Variants in SSBP4 observed in about 807,000 individuals in gnomAD.
SSBP4 encodes the protein single-stranded DNA-binding protein 4.
A neutral mutation model predicts 64.6 loss-of-function variants in SSBP4; 33 were observed. The observed-to-expected ratio is 0.51, with a 90% CI of 0.39 to 0.68. SSBP4 has a LOEUF of 0.68. Among genes scored for constraint, SSBP4 ranks in the 30% least tolerant of loss-of-function variants. The probability of loss-of-function intolerance (pLI) is 0.00; values close to 1 mark genes in which losing one functional copy is unlikely to be tolerated. For missense variants in SSBP4, 583 were observed against 566.8 expected (o/e 1.03, Z -0.29); for synonymous variants, 243 against 224.0 (o/e 1.08, Z -0.76).
chr19:18,431,683 C>A lies in SSBP4; in HGVS notation c.472C>A (p.Pro158Thr). ...ACCGCGCTTCCCAGGGGGCCCCCGG[C>A]CCACCCTGCGGATGCCGAGTCAGGT... ...MSPRFPGGPRPTLRMPSQPPA... is the reference protein window; with the variant it reads ...MSPRFPGGPRTTLRMPSQPPA... Residue 158 changes from proline (P) to threonine (T), a missense_variant, in exon 7 of 18, where the codon CCC (proline) becomes ACC (threonine). Pro to Thr is a conservative substitution (Grantham distance 38). Transcript: ENST00000270061. 1 of 1,552,860 alleles carries A rather than the reference C, an allele frequency of 6.4e-7. No homozygotes were observed. The highest frequency in any genetic ancestry group is 1.9e-5 in the Admixed American group (1 of 52,062).
chr19:18,432,684 C>G lies in SSBP4; in HGVS notation c.751-16C>G, dbSNP rs375537049. On this transcript the variant is annotated splice_polypyrimidine_tract_variant and intron_variant, in intron 11 of 17. Coordinates refer to ENST00000270061, the MANE Select transcript of SSBP4 (RefSeq NM_032627.5). ...GAGCCGCCTGGCTGACTGCTCACAG[C>G]TGCCCTTGTCCCCAGATCCCCTACT... 9.6e-6 allele frequency: 15 copies of G among 1,566,518 alleles called. No individual in the cohort carries two copies. The highest frequency in any genetic ancestry group is 1.2e-5 in the Non-Finnish European group (14 of 1,152,114).
chr19:18,424,652 G>A (rs1331209945), intron 1 of SSBP4, among the ~76,000 whole-genome samples: 1 of 152,056 alleles, frequency 6.6e-6, no homozygotes, highest in Non-Finnish European at 1.5e-5. Flanking sequence ...TAATCCAGGT[G>A]GGAGACGGTG....
At chr19:18,420,299 G>T (rs1454220958) in intron 1 of SSBP4, among the ~76,000 whole-genome samples, 1 of 152,122 alleles carries the variant, frequency 6.6e-6, no homozygotes, top group Admixed American at 6.5e-5. Flanking sequence ...GGGTGGGGAC[G>T]ACGGAGCCGC....
intron 1 of SSBP4, among the ~76,000 whole-genome samples, chr19:18,420,863 C>A (rs917635647): frequency 8.0e-5 from 12 of 149,220 alleles, no homozygotes; most frequent in Non-Finnish European, 1.3e-4. Context: ...AAAAAAAAAA[C>A]AAAAAACAAA....
chr19:18,415,122 G>A (rs913616078), upstream of SSBP4, among the ~76,000 whole-genome samples: 1 of 150,048 alleles, frequency 6.7e-6, no homozygotes, highest in Non-Finnish European at 1.5e-5. Flanking sequence ...TCCCACCCTG[G>A]TGTTGTTTGG....
chr19:18,412,746 G>A, the SSBP4 span, among the ~76,000 whole-genome samples: 1 of 152,114 alleles, frequency 6.6e-6, no homozygotes, highest in Non-Finnish European at 1.5e-5. Flanking sequence ...CACACCTGTG[G>A]TCCTAGCTAC....
chr19:18,431,018 T>G, intron 5 of SSBP4, 88 bp downstream of exon 5: 1 of 1,464,206 alleles, frequency 6.8e-7, no homozygotes, highest in Non-Finnish European at 9.3e-7. Context: ...GCAGAGGTCA[T>G]GAGGCCGGCA....
chr19:18,415,189 A>C (rs1972122102), upstream of SSBP4, among the ~76,000 whole-genome samples: 1 of 152,118 alleles, frequency 6.6e-6, no homozygotes, highest in South Asian at 2.1e-4. Context: ...TTCTGAGAGG[A>C]AACGGTCTCC....
At chr19:18,410,473 G>GA in the SSBP4 span, among the ~76,000 whole-genome samples, 1 of 152,160 alleles carries the variant, frequency 6.6e-6, no homozygotes, top group Non-Finnish European at 1.5e-5. Context: ...GGCCTCTCTA[G>GA]AAAAAAATAT....
chr19:18,433,311 G>A, intron 15 of SSBP4, 98 bp downstream of exon 15: 1 of 1,445,650 alleles, frequency 6.9e-7, no homozygotes. Flanking sequence ...GGGTGGAGGC[G>A]TCTAGTGGCG....
Position 18,420,463 on chromosome 19 carries a change from G to C in SSBP4, c.59+756G>C, listed in dbSNP as rs534124538. Among the ~76,000 whole-genome samples, 6 of 152,270 alleles carry C rather than the reference G, an allele frequency of 3.9e-5. No individual in the cohort carries two copies. The East Asian group carries it at 1.2e-3, about 29-fold the overall frequency. The stretch of plus-strand genomic sequence containing the variant: ...TGGTGGGGCTGAGGTCTCTCGGGGT[G>C]GGGAGTCAGCCGAGTGTGCTCTCCG... On this transcript the variant is annotated intron_variant, in intron 1 of 17. Coordinates refer to ENST00000270061, the MANE Select transcript of SSBP4 (RefSeq NM_032627.5).
At chr19:18,429,771 G>C (rs1360092258) in intron 4 of SSBP4, among the ~76,000 whole-genome samples, 3 of 152,180 alleles carry the variant, frequency 2.0e-5, no homozygotes, top group African/African-American at 7.2e-5. Flanking sequence ...GGCCTTGGGA[G>C]TGCTCGCCGT....
In SSBP4 at chr19:18,423,559, A is replaced by T. The variant is rs1972605278; in HGVS notation, c.60-3792A>T. On this transcript the variant is annotated intron_variant, in intron 1 of 17. Coordinates refer to ENST00000270061, the MANE Select transcript of SSBP4 (RefSeq NM_032627.5). The surrounding 1 kb of genome is among the most constrained non-coding windows in gnomAD (Gnocchi z 4.0). ...TGCCCCAGCAGCATCTGTGTCTAGGAAGGCGCTGAGCAGGGAGCATCCATT... is the reference window on the plus strand; with the variant it reads ...TGCCCCAGCAGCATCTGTGTCTAGGTAGGCGCTGAGCAGGGAGCATCCATT... Among the ~76,000 whole-genome samples, 1 of 152,136 alleles carries T rather than the reference A, an allele frequency of 6.6e-6. No individual in the cohort carries two copies. The highest frequency in any genetic ancestry group is 1.5e-5 in the Non-Finnish European group (1 of 68,018).
At chr19:18,430,989 TGG>T in intron 5 of SSBP4, 59 bp downstream of exon 5, 1 of 1,560,080 alleles carries the variant, frequency 6.4e-7, no homozygotes, top group Non-Finnish European at 8.7e-7. Context: ...CGTTTGAGGG[TGG>T]GGGGGGTCCC....
the SSBP4 span, among the ~76,000 whole-genome samples, chr19:18,407,401 T>C: frequency 3.3e-5 from 5 of 152,026 alleles, no homozygotes; most frequent in Non-Finnish European, 7.4e-5. Context: ...TTGTTAGTTA[T>C]AGTAATGTTT....
chr19:18,409,962 G>A, the SSBP4 span, among the ~76,000 whole-genome samples: 135 of 152,276 alleles, frequency 8.9e-4, no homozygotes, highest in Admixed American at 2.7e-3. Context: ...CGCCTGAGTA[G>A]CTGGAAATAC....
chr19:18,430,643 G>A (rs1055768684), intron 4 of SSBP4, among the ~76,000 whole-genome samples, 198 bp from the exon 5 acceptor site: 2 of 152,254 alleles, frequency 1.3e-5, no homozygotes, highest in East Asian at 1.9e-4. Context: ...TGTGAGAAAC[G>A]AGGGCGACAC....
the SSBP4 span, among the ~76,000 whole-genome samples, chr19:18,411,578 A>G: frequency 6.6e-6 from 1 of 152,180 alleles, no homozygotes; most frequent in Non-Finnish European, 1.5e-5. Flanking sequence ...AGGGTATGTC[A>G]CTGGAGCTGA....
At chr19:18,413,145 G>GT in the SSBP4 span, among the ~76,000 whole-genome samples, 2 of 82,160 alleles carry the variant, frequency 2.4e-5, no homozygotes, top group African/African-American at 4.1e-5. Context: ...GTTTTGGTTT[G>GT]GGTTTTTTTT....
Sources: allele counts gnomAD v4.1 joint callset (sites outside exome capture counted in the v4.1 genomes callset), GRCh38; gene constraint gnomAD v4.1.1; non-coding constraint Gnocchi (gnomAD v3.1); transcripts MANE v1.5; gene names NCBI Gene and HGNC (gene_info 2026-07-23, HGNC 2026-07-21).